TBXAS1: variants seen among roughly 807,000 people sequenced by gnomAD.
The protein encoded by TBXAS1 is thromboxane-A synthase.
TBXAS1 carries 48 observed loss-of-function variants against 60.7 expected under a neutral mutation model. That is an observed-to-expected ratio of 0.79 (90% CI 0.63 to 1.01). The LOEUF (loss-of-function observed/expected upper bound fraction) is 1.01, where lower values mean the gene tolerates loss of function less well. Among genes scored for constraint, TBXAS1 ranks in the 50% least tolerant of loss-of-function variants. TBXAS1 has a pLI of 0.00. For missense variants in TBXAS1, 685 were observed against 686.3 expected (o/e 1.00, Z 0.02); for synonymous variants, 287 against 269.7 (o/e 1.06, Z -0.63).
chr7:139,930,991 T>C (rs1807280232), intron 4 of TBXAS1, among the ~76,000 whole-genome samples: 2 of 152,092 alleles, frequency 1.3e-5, no homozygotes, highest in Admixed American at 6.6e-5. Flanking sequence ...TTTTTCAAGC[T>C]TTTTTGACTA....
intron 4 of TBXAS1, among the ~76,000 whole-genome samples, chr7:139,809,998 C>CT (rs200481899): frequency 1.3e-5 from 2 of 152,102 alleles, no homozygotes; most frequent in East Asian, 3.9e-4. Context: ...TCCTGCAGCT[C>CT]TTTAAGCCCA....
chr7:139,947,445 T>C (rs376149055), intron 5 of TBXAS1, among the ~76,000 whole-genome samples: 2 of 152,082 alleles, frequency 1.3e-5, no homozygotes, highest in East Asian at 1.9e-4. Flanking sequence ...TCAGGATAAA[T>C]AGCTAATGCC....
chr7:139,967,394 G>A (rs1229584187), intron 9 of TBXAS1, among the ~76,000 whole-genome samples: 1 of 152,330 alleles, frequency 6.6e-6, no homozygotes, highest in South Asian at 2.1e-4. Flanking sequence ...GGAGTAGGGA[G>A]GACCCTCTTC....
intron 9 of TBXAS1, among the ~76,000 whole-genome samples, chr7:139,977,460 A>G (rs532545648): frequency 6.6e-6 from 1 of 152,156 alleles, no homozygotes; most frequent in Non-Finnish European, 1.5e-5. Context: ...CTCCCACAAC[A>G]CAAGGGAATT....
intron 4 of TBXAS1, among the ~76,000 whole-genome samples, chr7:139,806,368 T>C (rs996921586): frequency 2.0e-5 from 3 of 152,050 alleles, no homozygotes; most frequent in Admixed American, 1.3e-4. Flanking sequence ...ATTCAAGTGA[T>C]TCTCATGCCT....
At chr7:139,835,533 CAT>C (rs1365233053) in intron 1 of TBXAS1, among the ~76,000 whole-genome samples, 1 of 152,118 alleles carries the variant, frequency 6.6e-6, no homozygotes, top group East Asian at 1.9e-4. Flanking sequence ...AAGCAAAAAT[CAT>C]GTGATAATAG....
At chr7:139,818,308 G>T (rs1319097809) in intron 4 of TBXAS1, among the ~76,000 whole-genome samples, 1 of 152,176 alleles carries the variant, frequency 6.6e-6, no homozygotes, top group African/African-American at 2.4e-5. Context: ...GTGGGTGCAG[G>T]TACAAGTCAG....
intron 1 of TBXAS1, among the ~76,000 whole-genome samples, chr7:139,836,035 AAAATAAATAAATAAAT>A (rs201367497): frequency 0.014 from 1,914 of 140,380 alleles, 33 homozygotes; most frequent in African/African-American, 0.046. Flanking sequence ...AATAGCTGCA[AAAATAAATAAATAAAT>A]AAATAAATAA....
rs6948205 is a variant in TBXAS1, at chr7:140,014,628, G to A, written c.1227-1095G>A. 7.7e-3 allele frequency among the ~76,000 whole-genome samples: 1,179 copies of A among 152,252 alleles called. 16 individuals are homozygous for A. The highest frequency in any genetic ancestry group is 0.027 in the African/African-American group (1,134 of 41,550). ...GAGAATGGTAAAGATGATGGACACAGGCCAGGTGCAGTGGCTCATGCCTGT... is the reference window on the plus strand; with the variant it reads ...GAGAATGGTAAAGATGATGGACACAAGCCAGGTGCAGTGGCTCATGCCTGT... On this transcript the variant is annotated intron_variant, in intron 10 of 12. Coordinates refer to ENST00000448866, the MANE Select transcript of TBXAS1 (RefSeq NM_001061.7).
intron 9 of TBXAS1, among the ~76,000 whole-genome samples, chr7:139,967,291 G>A (rs984558849): frequency 3.9e-5 from 6 of 152,182 alleles, no homozygotes; most frequent in African/African-American, 1.4e-4. Context: ...AGGCAGAGAG[G>A]GCACATCAGC....
chr7:139,853,754 G>A (rs1337140027), intron 1 of TBXAS1, among the ~76,000 whole-genome samples: 1 of 152,148 alleles, frequency 6.6e-6, no homozygotes, highest in East Asian at 1.9e-4. Context: ...AAAAACAAAG[G>A]ATTAACTGCA....
intron 9 of TBXAS1, among the ~76,000 whole-genome samples, chr7:139,994,896 C>T (rs544975819): frequency 1.3e-5 from 2 of 152,334 alleles, no homozygotes; most frequent in African/African-American, 4.8e-5. Context: ...CCCTCCCTTG[C>T]GGGCATCCCA....
chr7:139,967,712 C>T (rs528951659), intron 9 of TBXAS1, among the ~76,000 whole-genome samples: 2 of 152,108 alleles, frequency 1.3e-5, no homozygotes, highest in Admixed American at 6.6e-5. Flanking sequence ...AGCTCTCGAG[C>T]GGAGGAGAGG....
intron 8 of TBXAS1, among the ~76,000 whole-genome samples, chr7:139,961,042 G>A (rs923580281): frequency 1.3e-5 from 2 of 152,096 alleles, no homozygotes; most frequent in South Asian, 2.1e-4. Context: ...GTTACAATTA[G>A]TAATAGTGAA....
At chr7:139,821,688 C>G (rs945768027) in intron 4 of TBXAS1, among the ~76,000 whole-genome samples, 1 of 152,232 alleles carries the variant, frequency 6.6e-6, no homozygotes, top group African/African-American at 2.4e-5. Flanking sequence ...ATGAGTGGCA[C>G]CTGCAAATTC....
At chr7:139,878,496 C>A (rs1802436661) in intron 3 of TBXAS1, among the ~76,000 whole-genome samples, 1 of 152,072 alleles carries the variant, frequency 6.6e-6, no homozygotes, top group Non-Finnish European at 1.5e-5. Context: ...ATAAAGCTAT[C>A]AACTTTTCTC....
chr7:139,939,713 G>A (rs968042196), intron 5 of TBXAS1, among the ~76,000 whole-genome samples: 2 of 152,052 alleles, frequency 1.3e-5, no homozygotes, highest in African/African-American at 4.8e-5. Flanking sequence ...TGTAGCATAT[G>A]TGTTAGATAT....
chr7:139,861,310 T>C (rs1327761652), intron 1 of TBXAS1, among the ~76,000 whole-genome samples: 1 of 152,102 alleles, frequency 6.6e-6, no homozygotes, highest in Non-Finnish European at 1.5e-5. Context: ...CATAGCTCAC[T>C]GTAACCTTGA....
intron 11 of TBXAS1, 58 bp downstream of exon 11, chr7:140,015,918 T>C: frequency 6.2e-7 from 1 of 1,610,328 alleles, no homozygotes; most frequent in South Asian, 1.1e-5. Flanking sequence ...GGATAGAAAT[T>C]TACCAGTGGA....
Sources: gnomAD v4.1 joint callset for allele counts (sites outside exome capture counted in the v4.1 genomes callset) on GRCh38, gnomAD v4.1.1 for gene constraint, MANE v1.5 for transcripts, NCBI Gene and HGNC (gene_info 2026-07-23, HGNC 2026-07-21) for gene names.